GALNT13: variants seen among roughly 807,000 people sequenced by gnomAD.
GALNT13 encodes the protein polypeptide N-acetylgalactosaminyltransferase 13.
A neutral mutation model predicts 64.2 loss-of-function variants in GALNT13; 28 were observed. The ratio of observed to expected loss-of-function variants is 0.44; its 90% confidence interval spans 0.32 to 0.60. GALNT13 has a LOEUF of 0.60. GALNT13 is among the 20% of genes least tolerant of loss of function. The pLI is 0.05. For synonymous variants in GALNT13, 214 were observed against 224.6 expected, an observed-to-expected ratio of 0.95 and a Z score of 0.42; for missense variants, 577 against 669.8, an observed-to-expected ratio of 0.86 and a Z score of 1.53.
At chr2:153,328,775 T>A in the GALNT13 span, among the ~76,000 whole-genome samples, 4 of 152,062 alleles carry the variant, frequency 2.6e-5, no homozygotes, top group African/African-American at 9.7e-5. Context: ...GCAAGACCAC[T>A]CGGCTCCCTA....
rs1445531013 is a variant in GALNT13 at position 154,373,924 on chromosome 2, G to GTGCCATT, written c.1157-22065_1157-22059dup. The stretch of plus-strand genomic sequence containing the variant: ...TTTATTTAAGATTTCATACTTCTGA[G>GTGCCATT]TGCCATTTTTTGGTCTCAAGAAGTG... On this transcript the variant is annotated intron_variant, in intron 9 of 12. Coordinates refer to ENST00000392825, the MANE Select transcript of GALNT13 (RefSeq NM_052917.4). 3.3e-5 allele frequency among the ~76,000 whole-genome samples: 5 copies of GTGCCATT among 152,136 alleles called. No individual in the cohort carries two copies. In the East Asian group the frequency reaches 7.7e-4, roughly 23 times the overall value.
intron 3 of GALNT13, among the ~76,000 whole-genome samples, chr2:153,998,489 T>A (rs1484920368): frequency 6.6e-6 from 1 of 152,138 alleles, no homozygotes; most frequent in Non-Finnish European, 1.5e-5. Context: ...TTTGATAGAA[T>A]TGTTTGTTTT....
intron 1 of GALNT13, among the ~76,000 whole-genome samples, chr2:153,885,606 A>C (rs184352680): frequency 5.6e-4 from 85 of 152,232 alleles, no homozygotes; most frequent in Admixed American, 2.4e-3. Flanking sequence ...AGATAGAGGC[A>C]GTACATTTTA....
the GALNT13 span, among the ~76,000 whole-genome samples, chr2:153,559,860 G>A: frequency 6.6e-6 from 1 of 151,962 alleles, no homozygotes; most frequent in African/African-American, 2.4e-5. Context: ...AAGTTTTTTG[G>A]ATTTTTCTCT....
the GALNT13 span, among the ~76,000 whole-genome samples, chr2:153,660,544 A>G: frequency 1.0e-4 from 15 of 149,294 alleles, no homozygotes; most frequent in African/African-American, 3.7e-4. Context: ...GAGGACATAT[A>G]TAATATTATA....
chr2:154,403,466 A>AC (rs987451560), intron 10 of GALNT13, among the ~76,000 whole-genome samples: 5 of 151,484 alleles, frequency 3.3e-5, no homozygotes, highest in Admixed American at 6.6e-5. Context: ...AAAAAAAAAA[A>AC]CAAAAACGAA....
At chr2:154,262,783 A>C (rs1690769516) in intron 8 of GALNT13, among the ~76,000 whole-genome samples, 1 of 152,186 alleles carries the variant, frequency 6.6e-6, no homozygotes, top group African/African-American at 2.4e-5. Context: ...AATATAAGGA[A>C]GGAAAGATTC....
At chr2:154,348,679 G>A (rs1696210171) in intron 9 of GALNT13, among the ~76,000 whole-genome samples, 1 of 151,750 alleles carries the variant, frequency 6.6e-6, no homozygotes, top group African/African-American at 2.4e-5. Flanking sequence ...TCCCAGCAGG[G>A]GAATCTATTT....
the GALNT13 span, among the ~76,000 whole-genome samples, chr2:153,424,189 A>G: frequency 6.6e-6 from 1 of 150,946 alleles, no homozygotes; most frequent in African/African-American, 2.4e-5. Context: ...GAAATAACTA[A>G]GATCAAATAT....
chr2:153,118,145 A>ACACAC, the GALNT13 span, among the ~76,000 whole-genome samples: 18 of 147,470 alleles, frequency 1.2e-4, no homozygotes, highest in East Asian at 3.6e-3. Flanking sequence ...ACACACACAC[A>ACACAC]CCCCACATAA....
rs1683191851 is a variant in GALNT13 at position 154,140,390 on chromosome 2, A to T, written c.196A>T (p.Ile66Phe). The change falls in exon 4 of 13, where the codon ATT (isoleucine) becomes TTT (phenylalanine). Residue 66 changes from isoleucine to phenylalanine, a missense_variant. By Grantham distance (21) the Ile-to-Phe change is conservative. Transcript: ENST00000392825. ...AGGAGAAATGGGAAAAGCTGTGTTGATTCCTAAAGATGACCAGGAGAAAAT... is the reference window on the plus strand; with the variant it reads ...AGGAGAAATGGGAAAAGCTGTGTTGTTTCCTAAAGATGACCAGGAGAAAAT... ...GPGEMGKAVL[I>F]PKDDQEKMKE... is the part of the protein sequence containing the mutation. The T allele has an allele frequency of 1.2e-6, 2 of 1,613,234 alleles. No individual in the cohort carries two copies. Among genetic ancestry groups the T allele is most frequent in the East Asian group, 2.2e-5 (1 of 44,792 alleles).
chr2:153,436,529 A>G, the GALNT13 span, among the ~76,000 whole-genome samples: 1 of 152,126 alleles, frequency 6.6e-6, no homozygotes, highest in Non-Finnish European at 1.5e-5. Flanking sequence ...CTATTCAGAG[A>G]TTCACCTTCT....
chr2:153,809,668 C>G, the GALNT13 span, among the ~76,000 whole-genome samples: 11 of 152,230 alleles, frequency 7.2e-5, no homozygotes, highest in Non-Finnish European at 1.0e-4. Context: ...CGAGGCATAT[C>G]TTAACATAAT....
At chr2:154,136,406 A>G (rs1448218402) in intron 3 of GALNT13, among the ~76,000 whole-genome samples, 1 of 152,136 alleles carries the variant, frequency 6.6e-6, no homozygotes, top group East Asian at 1.9e-4. Flanking sequence ...TTTTGCTTCA[A>G]GCTTTTTCCT....
At chr2:154,286,957 A>G (rs1692301406) in intron 8 of GALNT13, 2 of 540,858 alleles carry the variant, frequency 3.7e-6, no homozygotes, top group Non-Finnish European at 3.4e-6. Flanking sequence ...GCCATCCATC[A>G]CTACCAAGAC....
intron 3 of GALNT13, among the ~76,000 whole-genome samples, chr2:154,044,093 T>A (rs1372855227): frequency 7.4e-6 from 1 of 135,210 alleles, no homozygotes; most frequent in Non-Finnish European, 1.7e-5. Flanking sequence ...AAATAAAAAA[T>A]AAAAAAATAT....
the GALNT13 span, among the ~76,000 whole-genome samples, chr2:153,637,895 T>A: frequency 6.6e-6 from 1 of 151,278 alleles, no homozygotes; most frequent in East Asian, 1.9e-4. Flanking sequence ...ATTCATTTAT[T>A]TCTGTAGTCA....
intron 4 of GALNT13, among the ~76,000 whole-genome samples, chr2:154,166,361 C>T (rs559578894): frequency 1.1e-4 from 16 of 152,266 alleles, no homozygotes; most frequent in African/African-American, 1.7e-4. Flanking sequence ...GCGGAGATCA[C>T]GCCACTGCAC....
chr2:153,563,947 C>G, the GALNT13 span, among the ~76,000 whole-genome samples: 1 of 152,084 alleles, frequency 6.6e-6, no homozygotes, highest in South Asian at 2.1e-4. Context: ...ATTGTTCTTA[C>G]CTCTGCATGG....
Sources: gnomAD v4.1 joint callset for allele counts (sites outside exome capture counted in the v4.1 genomes callset) on GRCh38, gnomAD v4.1.1 for gene constraint, MANE v1.5 for transcripts, NCBI Gene and HGNC (gene_info 2026-07-23, HGNC 2026-07-21) for gene names.